GPC5: variants seen among roughly 807,000 people sequenced by gnomAD.
The protein encoded by GPC5 is glypican-5.
A neutral mutation model predicts 53.9 loss-of-function variants in GPC5; 47 were observed. The ratio of observed to expected loss-of-function variants is 0.87; its 90% CI spans 0.69 to 1.11. The LOEUF (loss-of-function observed/expected upper bound fraction) is 1.11. GPC5 is among the 50% of genes most tolerant of loss of function. The pLI is 0.00. For missense variants in GPC5, 748 were observed against 713.1 expected (o/e 1.05, Z -0.56); for synonymous variants, 286 against 263.3 (o/e 1.09, Z -0.84).
chr13:92,261,329 T>A (rs2042765653), intron 7 of GPC5, among the ~76,000 whole-genome samples: 1 of 152,180 alleles, frequency 6.6e-6, no homozygotes, highest in Non-Finnish European at 1.5e-5. Flanking sequence ...GTGTGTTACA[T>A]GTTGCAAGGC....
At chr13:92,729,586 G>T (rs1366488299) in intron 7 of GPC5, among the ~76,000 whole-genome samples, 3 of 151,230 alleles carry the variant, frequency 2.0e-5, no homozygotes, top group Non-Finnish European at 4.4e-5. Flanking sequence ...ATACAGCTCT[G>T]CTGTAGACCA....
At chr13:91,620,294 T>A (rs544243614) in intron 2 of GPC5, among the ~76,000 whole-genome samples, 1 of 152,242 alleles carries the variant, frequency 6.6e-6, no homozygotes, top group South Asian at 2.1e-4. Flanking sequence ...TATAAAGAGC[T>A]ATGCTAAAGA....
chr13:92,766,440 A>G (rs1435159026), intron 7 of GPC5, among the ~76,000 whole-genome samples: 1 of 152,216 alleles, frequency 6.6e-6, no homozygotes, highest in Non-Finnish European at 1.5e-5. Flanking sequence ...TTATGGATAG[A>G]CTTTAATTAT....
At chr13:92,740,896 T>TATATATA (rs1889065978) in intron 7 of GPC5, among the ~76,000 whole-genome samples, 7 of 134,914 alleles carry the variant, frequency 5.2e-5, no homozygotes, top group African/African-American at 1.9e-4. Context: ...ATTTATTTAT[T>TATATATA]TATATATATA....
chr13:92,114,689 A>G (rs776205954), intron 6 of GPC5, among the ~76,000 whole-genome samples: 3 of 152,190 alleles, frequency 2.0e-5, no homozygotes, highest in Non-Finnish European at 4.4e-5. Context: ...CCACACAGAT[A>G]CACTCCCAGT....
intron 6 of GPC5, among the ~76,000 whole-genome samples, chr13:92,086,309 C>T (rs2041335669): frequency 6.6e-6 from 1 of 152,206 alleles, no homozygotes; most frequent in South Asian, 2.1e-4. Context: ...TACAGGCCAT[C>T]AGATGTTTTT....
At chr13:92,681,241 C>A (rs1887101661) in intron 7 of GPC5, among the ~76,000 whole-genome samples, 2 of 152,038 alleles carry the variant, frequency 1.3e-5, no homozygotes, top group African/African-American at 4.8e-5. Flanking sequence ...ATTAAAATAT[C>A]ATGTCTGGTA....
At chr13:91,893,496 A>G (rs1282203389) in intron 5 of GPC5, among the ~76,000 whole-genome samples, 2 of 152,084 alleles carry the variant, frequency 1.3e-5, no homozygotes. Flanking sequence ...TAGACACAAC[A>G]TATACCATAA....
intron 7 of GPC5, among the ~76,000 whole-genome samples, chr13:92,775,907 C>T (rs1297794412): frequency 2.0e-5 from 3 of 152,174 alleles, no homozygotes; most frequent in Non-Finnish European, 4.4e-5. Flanking sequence ...CACAAAATAA[C>T]TTTTAAGCAC....
intron 7 of GPC5, among the ~76,000 whole-genome samples, chr13:92,333,501 C>T (rs544448579): frequency 1.4e-4 from 21 of 152,134 alleles, no homozygotes; most frequent in African/African-American, 5.1e-4. Flanking sequence ...AATCTTTGGC[C>T]TACTCTAGTC....
intron 6 of GPC5, among the ~76,000 whole-genome samples, chr13:92,040,204 G>A (rs897506971): frequency 1.3e-5 from 2 of 152,134 alleles, no homozygotes; most frequent in Non-Finnish European, 2.9e-5. Context: ...CCAGGGCCAC[G>A]GTATGTGTGG....
At chr13:92,848,245 C>G (rs1878675112) in intron 7 of GPC5, among the ~76,000 whole-genome samples, 1 of 152,046 alleles carries the variant, frequency 6.6e-6, no homozygotes, top group Admixed American at 6.6e-5. Context: ...TGGGAAAAGG[C>G]CTTATTATGA....
At chr13:91,590,619 C>A (rs974729175) in intron 2 of GPC5, among the ~76,000 whole-genome samples, 4 of 152,074 alleles carry the variant, frequency 2.6e-5, no homozygotes, top group East Asian at 1.9e-4. Context: ...AAATTTACTA[C>A]AAAAATAATC....
intron 7 of GPC5, among the ~76,000 whole-genome samples, chr13:92,436,976 T>TA (rs1877331171): frequency 6.6e-6 from 1 of 152,224 alleles, no homozygotes; most frequent in East Asian, 1.9e-4. Context: ...TGACAAAATA[T>TA]AAAAAAGGAT....
chr13:92,385,632 T>C (rs13378968), intron 7 of GPC5, among the ~76,000 whole-genome samples: 3 of 143,208 alleles, frequency 2.1e-5, no homozygotes, highest in African/African-American at 5.1e-5. Flanking sequence ...TACACATATA[T>C]ACATATATAC....
intron 7 of GPC5, among the ~76,000 whole-genome samples, chr13:92,735,953 A>C (rs1455123262): frequency 1.3e-5 from 2 of 152,034 alleles, no homozygotes; most frequent in Non-Finnish European, 2.9e-5. Context: ...ATAGATATAC[A>C]TGCTGTAACA....
chr13:91,542,917 C>T (rs1288134641), intron 2 of GPC5, among the ~76,000 whole-genome samples: 1 of 148,354 alleles, frequency 6.7e-6, no homozygotes, highest in Admixed American at 6.8e-5. Context: ...AGTGCAGTGC[C>T]GCGATCTCAG....
At chr13:91,962,745 C>A (rs1003116642) in intron 6 of GPC5, among the ~76,000 whole-genome samples, 2 of 151,946 alleles carry the variant, frequency 1.3e-5, no homozygotes, top group African/African-American at 4.8e-5. Context: ...AGTGGGAGTT[C>A]TCTATTAACC....
At chr13:92,439,828 G>A (rs1033898963) in intron 7 of GPC5, among the ~76,000 whole-genome samples, 1 of 151,972 alleles carries the variant, frequency 6.6e-6, no homozygotes, top group Admixed American at 6.6e-5. Context: ...TAGAAGTTAG[G>A]TAGTCAGACC....
Sources: allele counts gnomAD v4.1 joint callset (sites outside exome capture counted in the v4.1 genomes callset), GRCh38; gene constraint gnomAD v4.1.1; transcripts MANE v1.5; gene names NCBI Gene and HGNC (gene_info 2026-07-23, HGNC 2026-07-21).